The following MAP3K6 variants were observed in gnomAD, a reference collection of about 807,000 sequenced individuals.
MAP3K6 encodes the protein apoptosis signal-regulating kinase 2.
In MAP3K6, 105 loss-of-function variants were observed where a neutral mutation model predicts 147.1. The ratio of observed to expected loss-of-function variants is 0.71; its 90% CI spans 0.61 to 0.84. The LOEUF is 0.84. MAP3K6 is among the 40% of genes least tolerant of loss of function. The pLI is 0.00. For synonymous variants in MAP3K6, 695 were observed against 732.4 expected (o/e 0.95, Z 0.82); for missense variants, 1,569 against 1,715.0 (o/e 0.91, Z 1.50).
chr1:27,360,427 TC>T lies in MAP3K6; in HGVS notation c.2055-60del. ...GAGGTGGGCAGAGAAGCCCCGCCCATCCCACGCCAGCCTGGCCCCGCCCCAA... is the reference window on the plus strand; with the variant it reads ...GAGGTGGGCAGAGAAGCCCCGCCCATCCACGCCAGCCTGGCCCCGCCCCAA... On this transcript the variant is annotated intron_variant, in intron 15 of 28. Coordinates refer to ENST00000357582, the MANE Select transcript of MAP3K6 (RefSeq NM_004672.5). This position sits in a 1 kb window ranked among gnomAD's most constrained non-coding sequence, Gnocchi z 4.5. 1.3e-6 allele frequency: 2 copies of T among 1,508,124 alleles called. No individual in the cohort carries two copies. Among genetic ancestry groups the T allele is most frequent in the East Asian group, 2.5e-5 (1 of 40,700 alleles). 93.4% of individuals were successfully genotyped at this position (1,508,124 alleles called of 1,614,324 possible). A position where few individuals can be genotyped will look rare whatever the true frequency, so the allele number is the denominator to read the frequency against.
rs141834929 is a variant in MAP3K6, at chr1:27,365,000, C to T, written c.341-88G>A. On this transcript the variant is annotated intron_variant, in intron 1 of 28. Transcript: ENST00000357582. The surrounding 1 kb of genome is among the most constrained non-coding windows in gnomAD (Gnocchi z 4.4). ...GTCCATCCTGGCTTGACCTGCCTTG[C>T]TGTGGGACTCCAGTAGGGTCTGGTT... The T allele has an allele frequency of 1.5e-3, 2,071 of 1,399,950 alleles. 1 individual carries two copies. The highest frequency in any genetic ancestry group is 1.8e-3 in the Non-Finnish European group (1,842 of 1,035,584). 86.7% of individuals were successfully genotyped at this position (1,399,950 alleles called of 1,614,324 possible). A position where few individuals can be genotyped will look rare whatever the true frequency, so the allele number is the denominator to read the frequency against.
rs1362039210 is a variant in MAP3K6 at position 27,357,861 on chromosome 1, A to G, written c.2931T>C (p.Pro977=). ...GTSQLRVPEE[P]AAEEPASPEE... ...CCGGAGACGCAGGCTCCTCGGCCGC[A>G]GGCTCCTCGGGCACCCTGGGCACAA... The change falls in exon 22 of 29, where the codon CCT becomes CCC. Residue 977 remains proline (P), a synonymous_variant. Transcript: ENST00000357582. 6.3e-7 allele frequency: 1 copy of G among 1,593,090 alleles called. No homozygotes were observed. The highest frequency in any genetic ancestry group is 8.5e-7 in the Non-Finnish European group (1 of 1,174,348).
rs1470481926 is a variant in MAP3K6 at position 27,366,174 on chromosome 1, T to C, written c.340+84A>G. 1.6e-6 allele frequency: 2 copies of C among 1,227,452 alleles called. No individual in the cohort carries two copies. Among genetic ancestry groups the C allele is most frequent in the Non-Finnish European group, 2.0e-6 (2 of 977,902 alleles). The allele number at this position is 1,227,452 out of a possible 1,614,324, so 76.0% of individuals were successfully genotyped here. A position where few individuals can be genotyped will look rare whatever the true frequency, so the allele number is the denominator to read the frequency against. Reference sequence around the variant, plus strand: ...TAGACCCGGTACCCCTCTCGGCCCCTCCCTTGAGCCTTCGAGCCCGGCTTG... The same window carrying C: ...TAGACCCGGTACCCCTCTCGGCCCCCCCCTTGAGCCTTCGAGCCCGGCTTG... On this transcript the variant is annotated intron_variant, in intron 1 of 28. Coordinates refer to ENST00000357582, the MANE Select transcript of MAP3K6 (RefSeq NM_004672.5). The surrounding 1 kb of genome is among the most constrained non-coding windows in gnomAD (Gnocchi z 5.5).
At position 27,357,698 on chromosome 1, in the gene MAP3K6, G is replaced by T; in HGVS notation, c.3081+13C>A. The T allele has an allele frequency of 6.2e-7, 1 of 1,609,106 alleles. No homozygotes were observed. The highest frequency in any genetic ancestry group is 8.5e-7 in the Non-Finnish European group (1 of 1,179,386). ...TTTGCGACCACCAGGGGGCGCTAGA[G>T]TGGGCCGCCCACCTGCTCTTGCTTC... On this transcript the variant is annotated intron_variant, in intron 22 of 28. Transcript: ENST00000357582.
At position 27,361,160 on chromosome 1, in the gene MAP3K6, T is replaced by C; in HGVS notation, c.1829A>G (p.Gln610Arg). The change falls in exon 13 of 29, where the codon CAG becomes CGG. Residue 610 changes from glutamine (Q) to arginine (R), a missense_variant. Physicochemically the swap from Gln to Arg is conservative, Grantham distance 43. Coordinates refer to ENST00000357582, the MANE Select transcript of MAP3K6 (RefSeq NM_004672.5). ...QLCFPSVGHC[Q>R]WFCGLIQAWV... ...CCGACCATGAAAGGCTGCGCACCAC[T>C]GGCAGTGCCCTACGCTGGGGAAGCA... 1 of 1,608,656 alleles carries C rather than the reference T, an allele frequency of 6.2e-7. No individual in the cohort carries two copies.
At chr1:27,363,138 A>C in intron 6 of MAP3K6, 117 bp from the exon 7 acceptor site, 1 of 914,292 alleles carries the variant, frequency 1.1e-6, no homozygotes, top group Non-Finnish European at 1.6e-6. Flanking sequence ...TGACCTCAAA[A>C]TGATAATGAC....
At position 27,363,595 on chromosome 1, in the gene MAP3K6, C is replaced by T. The variant is rs368308216; in HGVS notation, c.865-47G>A. Reference sequence around the variant, plus strand: ...ACTGGCATCATGGGCCTCCAGGCCCCAAGGAACCTTGAGCCAGGGTCCTGT... The same window carrying T: ...ACTGGCATCATGGGCCTCCAGGCCCTAAGGAACCTTGAGCCAGGGTCCTGT... On this transcript the variant is annotated intron_variant, in intron 5 of 28. Transcript: ENST00000357582. 5 of 1,438,552 alleles carry T rather than the reference C, an allele frequency of 3.5e-6. No homozygotes were observed. In the African/African-American group the frequency reaches 4.2e-5, roughly 12 times the overall value. The allele number at this position is 1,438,552 out of a possible 1,614,324, so 89.1% of individuals were successfully genotyped here.
intron 8 of MAP3K6, 31 bp from the exon 9 acceptor site, chr1:27,362,281 T>C (rs746971929): frequency 6.3e-7 from 1 of 1,594,246 alleles, no homozygotes; most frequent in Non-Finnish European, 8.6e-7. Context: ...CTCCAGTGAG[T>C]GTGGGTGCAG....
Position 27,364,289 on chromosome 1 carries a change from G to C in MAP3K6, c.610C>G (p.Gln204Glu). 1 of 1,613,940 alleles carries C rather than the reference G, an allele frequency of 6.2e-7. No homozygotes were observed. The highest frequency in any genetic ancestry group is 8.5e-7 in the Non-Finnish European group (1 of 1,180,038). ...AGGGCCTCGGTCCCCACTCCAGCCT[G>C]TACCAGCCCATCAGCCAGGCCCCGC... ...LLRGLADGLV[Q>E]AGVGTEALLT... The change falls in exon 4 of 29, where the codon CAG becomes GAG. Residue 204 changes from glutamine to glutamate, a missense_variant. Coordinates refer to ENST00000357582, the MANE Select transcript of MAP3K6 (RefSeq NM_004672.5). This position sits in a 1 kb window ranked among gnomAD's most constrained non-coding sequence, Gnocchi z 4.4.
chr1:27,364,035 C>T lies in MAP3K6; in HGVS notation c.746G>A (p.Arg249Gln), dbSNP rs373435230. The T allele has an allele frequency of 8.7e-6, 14 of 1,612,528 alleles. No homozygotes were observed. Among genetic ancestry groups the T allele is most frequent in the Middle Eastern group, 1.6e-4 (1 of 6,078 alleles). The change falls in exon 5 of 29, where the codon CGG becomes CAG. Residue 249 changes from arginine (R) to glutamine (Q), a missense_variant. Arg to Gln is a conservative substitution (Grantham distance 43). Coordinates refer to ENST00000357582, the MANE Select transcript of MAP3K6 (RefSeq NM_004672.5). The surrounding 1 kb of genome is among the most constrained non-coding windows in gnomAD (Gnocchi z 4.4). ...CTGCCGCAGCTGTGGCCCACTGAAC[C>T]GCTCCCGCGCCTGCCGGATGTCCCG... ...IRRDIRQARE[R>Q]FSGPQLRQEL...
chr1:27,362,064 G>T (rs999574534), intron 9 of MAP3K6, 27 bp downstream of exon 9: 2 of 1,594,368 alleles, frequency 1.3e-6, no homozygotes, highest in African/African-American at 2.7e-5. Context: ...CCCAGGTCAG[G>T]CCAAGAATGC....
In MAP3K6 at chr1:27,362,682, G is replaced by T; in HGVS notation, c.1214C>A (p.Ala405Asp). The change falls in exon 8 of 29, where the codon GCC becomes GAC. Residue 405 changes from alanine to aspartate, a missense_variant. Ala to Asp is a moderately radical substitution (Grantham distance 126). Transcript: ENST00000357582. ...GINAAVLLIA[A>D]GQHFEDSKEL... The stretch of plus-strand genomic sequence containing the variant: ...TTTGGAATCCTCAAAGTGCTGCCCG[G>T]CAGCAATGAGGAGCACAGCTGCATT... 6.2e-7 allele frequency: 1 copy of T among 1,606,486 alleles called. No individual in the cohort carries two copies. Among genetic ancestry groups the T allele is most frequent in the Non-Finnish European group, 8.5e-7 (1 of 1,175,890 alleles).
chr1:27,356,742 C>G lies in MAP3K6; in HGVS notation c.3372G>C (p.Glu1124Asp). 1 of 1,562,142 alleles carries G rather than the reference C, an allele frequency of 6.4e-7. No homozygotes were observed. The highest frequency in any genetic ancestry group is 1.2e-5 in the South Asian group (1 of 83,328). The change falls in exon 25 of 29, where the codon GAG (glutamate) becomes GAC (aspartate). Residue 1124 changes from glutamate to aspartate, a missense_variant. By Grantham distance (45) the Glu-to-Asp change is conservative. Transcript: ENST00000357582. ...AALGVLGPEVEKEAVSPRSEE... is the reference protein window; with the variant it reads ...AALGVLGPEVDKEAVSPRSEE... ...CTGACCTCGGTGAGACCGCCTCCTT[C>G]TCCACCTCTGCAGCCCAGTGCGGTG...
At position 27,357,774 on chromosome 1, in the gene MAP3K6, T is replaced by C; in HGVS notation, c.3018A>G (p.Ala1006=). 1 of 1,611,066 alleles carries C rather than the reference T, an allele frequency of 6.2e-7. No homozygotes were observed. The highest frequency in any genetic ancestry group is 8.5e-7 in the Non-Finnish European group (1 of 1,179,502). ...QESKRRAMLA[A]VLEQELPALA... is the part of the protein sequence containing the mutation. ...GCGCTGGCAGCTCCTGCTCCAATACTGCGGCCAGCATGGCCCGACGCTTGC... is the reference window on the plus strand; with the variant it reads ...GCGCTGGCAGCTCCTGCTCCAATACCGCGGCCAGCATGGCCCGACGCTTGC... Residue 1006 remains alanine (A), a synonymous_variant, in exon 22 of 29, where the codon GCA becomes GCG. Coordinates refer to ENST00000357582, the MANE Select transcript of MAP3K6 (RefSeq NM_004672.5).
chr1:27,366,722 C>T lies in MAP3K6; in HGVS notation c.-125G>A. 1 of 716,358 alleles carries T rather than the reference C, an allele frequency of 1.4e-6. No individual in the cohort carries two copies. Among genetic ancestry groups the T allele is most frequent in the Non-Finnish European group, 1.7e-6 (1 of 580,504 alleles). The allele number at this position is 716,358 out of a possible 1,614,324, so 44.4% of individuals were successfully genotyped here. A position where few individuals can be genotyped will look rare whatever the true frequency, so the allele number is the denominator to read the frequency against. On this transcript the variant is annotated 5_prime_UTR_variant, in exon 1 of 29. Coordinates refer to ENST00000357582, the MANE Select transcript of MAP3K6 (RefSeq NM_004672.5). The surrounding 1 kb of genome is among the most constrained non-coding windows in gnomAD (Gnocchi z 5.5). ...GGAATCGGAGAATCTCCCACGGGATCTAGGGATCCGGAATACGGCCTGACG... is the reference window on the plus strand; with the variant it reads ...GGAATCGGAGAATCTCCCACGGGATTTAGGGATCCGGAATACGGCCTGACG...
rs1260143876 is a variant in MAP3K6, at chr1:27,359,505, G to A, written c.2337C>T (p.Ile779=). ...TCTTGAGCAGCCCACTGAAGGTGTT[G>A]ATCAGCACATTGTCCCCCTGATTGA... is the stretch of plus-strand genomic sequence containing the variant. ...HRDIKGDNVL[I]NTFSGLLKIS... is the part of the protein sequence containing the mutation. The change falls in exon 18 of 29, where the codon ATC becomes ATT. Residue 779 remains isoleucine (I), a synonymous_variant. Transcript: ENST00000357582. The surrounding 1 kb of genome is among the most constrained non-coding windows in gnomAD (Gnocchi z 4.4). The A allele has an allele frequency of 1.9e-6, 3 of 1,613,968 alleles. No homozygotes were observed. Among genetic ancestry groups the A allele is most frequent in the Non-Finnish European group, 2.5e-6 (3 of 1,180,012 alleles).
At position 27,364,542 on chromosome 1, in the gene MAP3K6, G is replaced by A. The variant is rs2015907039; in HGVS notation, c.504+119C>T. On this transcript the variant is annotated intron_variant, in intron 3 of 28. Transcript: ENST00000357582. This position sits in a 1 kb window ranked among gnomAD's most constrained non-coding sequence, Gnocchi z 4.4. Reference sequence around the variant, plus strand: ...TGAGAGGAGGCAACAGGAAACAGAGGAATACTTGGGATGTCAGTGGGGGGT... The same window carrying A: ...TGAGAGGAGGCAACAGGAAACAGAGAAATACTTGGGATGTCAGTGGGGGGT... 7.1e-6 allele frequency: 11 copies of A among 1,553,080 alleles called. No homozygotes were observed. The highest frequency in any genetic ancestry group is 1.1e-5 in the South Asian group (1 of 89,576).
chr1:27,357,698 G>A lies in MAP3K6; in HGVS notation c.3081+13C>T, dbSNP rs763272024. The A allele has an allele frequency of 9.4e-5, 152 of 1,608,988 alleles. No individual in the cohort carries two copies. Among genetic ancestry groups the A allele is most frequent in the Non-Finnish European group, 1.2e-4 (145 of 1,179,394 alleles). ...TTTGCGACCACCAGGGGGCGCTAGAGTGGGCCGCCCACCTGCTCTTGCTTC... is the reference window on the plus strand; with the variant it reads ...TTTGCGACCACCAGGGGGCGCTAGAATGGGCCGCCCACCTGCTCTTGCTTC... On this transcript the variant is annotated intron_variant, in intron 22 of 28. Coordinates refer to ENST00000357582, the MANE Select transcript of MAP3K6 (RefSeq NM_004672.5).
At chr1:27,365,257 T>G (rs999114549) in intron 1 of MAP3K6, among the ~76,000 whole-genome samples, 2 of 152,144 alleles carry the variant, frequency 1.3e-5, no homozygotes, top group African/African-American at 4.8e-5. Flanking sequence ...CTCCCTTTGG[T>G]CTTCAGCACA....
Sources: allele counts gnomAD v4.1 joint callset (sites outside exome capture counted in the v4.1 genomes callset), GRCh38; gene constraint gnomAD v4.1.1; non-coding constraint Gnocchi (gnomAD v3.1); transcripts MANE v1.5; gene names NCBI Gene and HGNC (gene_info 2026-07-23, HGNC 2026-07-21).